ROR1: variants seen among roughly 807,000 people sequenced by gnomAD.
ROR1 encodes inactive tyrosine-protein kinase transmembrane receptor ROR1.
ROR1 carries 19 observed loss-of-function variants against 78.8 expected under a neutral mutation model. The observed-to-expected ratio is 0.24, with a 90% CI of 0.17 to 0.35. ROR1 has a LOEUF of 0.35. Ranked by LOEUF, ROR1 falls within the 10% of genes least tolerant of loss-of-function variation. The pLI is 1.00. For synonymous variants in ROR1, 386 were observed against 433.6 expected (o/e 0.89, Z 1.36); for missense variants, 917 against 1,177.8 (o/e 0.78, Z 3.24).
At chr1:63,799,377 C>A (rs1490576727) in intron 1 of ROR1, among the ~76,000 whole-genome samples, 1 of 152,184 alleles carries the variant, frequency 6.6e-6, no homozygotes, top group Non-Finnish European at 1.5e-5. Flanking sequence ...TGTTTAAAAA[C>A]TTCTCCAATG....
intron 8 of ROR1, 144 bp downstream of exon 8, chr1:64,159,336 C>T (rs1247749077): frequency 2.0e-5 from 13 of 659,736 alleles, no homozygotes; most frequent in Admixed American, 5.1e-5. Flanking sequence ...AATGCAAAGA[C>T]GAACTACCTA....
At chr1:64,061,480 T>C (rs770490610) in intron 4 of ROR1, among the ~76,000 whole-genome samples, 1 of 152,156 alleles carries the variant, frequency 6.6e-6, no homozygotes, top group Non-Finnish European at 1.5e-5. Flanking sequence ...AATCAAAGTG[T>C]AGTTTAAAGC....
intron 1 of ROR1, among the ~76,000 whole-genome samples, chr1:63,865,808 G>T (rs561698959): frequency 6.6e-6 from 1 of 152,310 alleles, no homozygotes; most frequent in Non-Finnish European, 1.5e-5. Context: ...TGAATCAGAG[G>T]TTGCCAGGGG....
At chr1:64,030,761 C>T (rs1646653524) in intron 2 of ROR1, among the ~76,000 whole-genome samples, 1 of 152,206 alleles carries the variant, frequency 6.6e-6, no homozygotes, top group Non-Finnish European at 1.5e-5. Context: ...TAAAACCTAA[C>T]TTCTCCCATC....
intron 2 of ROR1, among the ~76,000 whole-genome samples, chr1:64,042,028 G>C (rs1646749518): frequency 6.6e-6 from 1 of 152,140 alleles, no homozygotes; most frequent in Non-Finnish European, 1.5e-5. Context: ...GTTTCTTCTT[G>C]TAAACAAGGG....
chr1:63,940,478 T>TAGACAGATAGAC (rs1198714873), intron 1 of ROR1, among the ~76,000 whole-genome samples: 1 of 146,500 alleles, frequency 6.8e-6, no homozygotes, highest in East Asian at 2.0e-4. Flanking sequence ...GATAGATAGA[T>TAGACAGATAGAC]AGACAGATAG....
chr1:63,916,087 G>A (rs1645607232), intron 1 of ROR1, among the ~76,000 whole-genome samples: 1 of 152,128 alleles, frequency 6.6e-6, no homozygotes, highest in Non-Finnish European at 1.5e-5. Context: ...TACTCCCAAA[G>A]CTTATAGCTG....
At chr1:63,862,533 T>C (rs1569833566) in intron 1 of ROR1, among the ~76,000 whole-genome samples, 1 of 152,240 alleles carries the variant, frequency 6.6e-6, no homozygotes, top group East Asian at 1.9e-4. Flanking sequence ...CTGTTCTTCA[T>C]GTAGCTGTGA....
At chr1:64,048,979 A>G (rs1297056983) in intron 2 of ROR1, among the ~76,000 whole-genome samples, 3 of 152,174 alleles carry the variant, frequency 2.0e-5, no homozygotes, top group South Asian at 2.1e-4. Flanking sequence ...GAGTATATGC[A>G]TTTGCCTGTA....
chr1:63,818,497 A>T (rs1328480325), intron 1 of ROR1, among the ~76,000 whole-genome samples: 2 of 152,172 alleles, frequency 1.3e-5, no homozygotes, highest in Non-Finnish European at 2.9e-5. Flanking sequence ...AGATCTATTT[A>T]TATTTGTTAG....
At chr1:63,950,605 T>C (rs1298798307) in intron 1 of ROR1, among the ~76,000 whole-genome samples, 1 of 152,192 alleles carries the variant, frequency 6.6e-6, no homozygotes, top group African/African-American at 2.4e-5. Flanking sequence ...CTCTGAATGC[T>C]TAACCTCCTG....
intron 1 of ROR1, among the ~76,000 whole-genome samples, chr1:63,824,519 A>G (rs1220406946): frequency 6.6e-6 from 1 of 152,178 alleles, no homozygotes; most frequent in Admixed American, 6.5e-5. Flanking sequence ...TGGGGTTTGC[A>G]GTTTGCTGAT....
At position 64,138,623 on chromosome 1, in the gene ROR1, G is replaced by A. The variant is rs1557669907; in HGVS notation, c.610+1127G>A. ...TGCAGTGGCGCGATCTCGGCTCACTGCAAGCTCTGCTTCCTAGGTTCATGC... is the reference window on the plus strand; with the variant it reads ...TGCAGTGGCGCGATCTCGGCTCACTACAAGCTCTGCTTCCTAGGTTCATGC... On this transcript the variant is annotated intron_variant, in intron 5 of 8. Transcript: ENST00000371079. Among the ~76,000 whole-genome samples the A allele has an allele frequency of 3.3e-5, 5 of 150,118 alleles. No homozygotes were observed. The Admixed American group carries it at 3.3e-4, about 10-fold the overall frequency.
At chr1:63,932,114 T>G (rs1162015632) in intron 1 of ROR1, among the ~76,000 whole-genome samples, 1 of 152,208 alleles carries the variant, frequency 6.6e-6, no homozygotes, top group Non-Finnish European at 1.5e-5. Context: ...GGGCTGGCAC[T>G]GAGCCATCGA....
At chr1:63,936,907 C>G (rs547523571) in intron 1 of ROR1, among the ~76,000 whole-genome samples, 1 of 152,284 alleles carries the variant, frequency 6.6e-6, no homozygotes, top group African/African-American at 2.4e-5. Context: ...ATTGCCATTA[C>G]CAAACACAGG....
In ROR1 at chr1:64,001,171, C is replaced by T. The variant is rs75920528; in HGVS notation, c.92-8134C>T. Among the ~76,000 whole-genome samples the T allele has an allele frequency of 1.3e-3, 198 of 152,276 alleles. 1 individual carries two copies. Among genetic ancestry groups the T allele is most frequent in the African/African-American group, 4.6e-3 (193 of 41,562 alleles). On this transcript the variant is annotated intron_variant, in intron 1 of 8. Transcript: ENST00000371079. The stretch of plus-strand genomic sequence containing the variant: ...CTACACAGCAATAAAAACAAACAAA[C>T]GATTGATACATGCAACAAAGTAGAT...
At chr1:64,159,751 G>A (rs1649885440) in intron 8 of ROR1, among the ~76,000 whole-genome samples, 1 of 151,950 alleles carries the variant, frequency 6.6e-6, no homozygotes, top group Non-Finnish European at 1.5e-5. Flanking sequence ...ATATTTTAAG[G>A]AAGTGTTGTC....
intron 1 of ROR1, among the ~76,000 whole-genome samples, chr1:63,874,787 A>G (rs1488792996): frequency 1.3e-5 from 2 of 152,162 alleles, no homozygotes; most frequent in Admixed American, 1.3e-4. Context: ...CAGGTCAAAC[A>G]GCCCCAATTT....
At chr1:63,935,564 T>C (rs1645787781) in intron 1 of ROR1, among the ~76,000 whole-genome samples, 1 of 152,220 alleles carries the variant, frequency 6.6e-6, no homozygotes, top group African/African-American at 2.4e-5. Context: ...TTAAATTCTG[T>C]GGGTAGTTTA....
Sources: gnomAD v4.1 joint callset for allele counts (sites outside exome capture counted in the v4.1 genomes callset) on GRCh38, gnomAD v4.1.1 for gene constraint, MANE v1.5 for transcripts, NCBI Gene and HGNC (gene_info 2026-07-23, HGNC 2026-07-21) for gene names.